NAA25: variants seen among roughly 807,000 people sequenced by gnomAD.
The protein encoded by NAA25 is N-alpha-acetyltransferase 25, NatB auxiliary subunit.
A neutral mutation model predicts 132.5 loss-of-function variants in NAA25; 30 were observed. The observed-to-expected ratio is 0.23, with a 90% CI of 0.17 to 0.31. NAA25 has a LOEUF of 0.31. Ranked by LOEUF, NAA25 falls within the 10% of genes least tolerant of loss-of-function variation. NAA25 has a pLI of 1.00. For synonymous variants in NAA25, 359 were observed against 401.9 expected, an observed-to-expected ratio of 0.89 and a Z score of 1.28; for missense variants, 771 against 1,150.4, an observed-to-expected ratio of 0.67 and a Z score of 4.77.
At position 112,047,887 on chromosome 12, in the gene NAA25, G is replaced by A; in HGVS notation, c.1881-97C>T. On this transcript the variant is annotated intron_variant, in intron 16 of 23. Coordinates refer to ENST00000261745, the MANE Select transcript of NAA25 (RefSeq NM_024953.4). ...CTGTTTTACTAGACAGGAAGGGAAA[G>A]AGGAAGGAAGGGCTCATAATAAGGT... The A allele has an allele frequency of 6.5e-6, 8 of 1,232,536 alleles. No homozygotes were observed. In the South Asian group the frequency reaches 1.1e-4, roughly 17 times the overall value. The allele number at this position is 1,232,536 out of a possible 1,614,324, so 76.3% of individuals were successfully genotyped here. A position where few individuals can be genotyped will look rare whatever the true frequency, so the allele number is the denominator to read the frequency against.
chr12:112,094,157 C>T (rs946072397), intron 1 of NAA25, among the ~76,000 whole-genome samples: 10 of 146,214 alleles, frequency 6.8e-5, no homozygotes, highest in Admixed American at 5.0e-4. Context: ...AGGAGAATGG[C>T]GTGAACCCAG....
At chr12:112,041,701 A>G (rs2078303137) in intron 20 of NAA25, among the ~76,000 whole-genome samples, 1 of 152,190 alleles carries the variant, frequency 6.6e-6, no homozygotes, top group African/African-American at 2.4e-5. Context: ...ACCAATTGCG[A>G]TAACATAAAA....
intron 11 of NAA25, among the ~76,000 whole-genome samples, chr12:112,067,674 G>T (rs542769089): frequency 6.6e-6 from 1 of 152,204 alleles, no homozygotes; most frequent in African/African-American, 2.4e-5. Flanking sequence ...CACAGAGCGA[G>T]ACCCTGTCTC....
chr12:112,037,275 CATATAT>C (rs57810657), intron 22 of NAA25, among the ~76,000 whole-genome samples: 5,517 of 64,602 alleles, frequency 0.085, 267 homozygotes, highest in East Asian at 0.23. Flanking sequence ...TTAAAAAATA[CATATAT>C]ATATATATAT....
chr12:112,059,069 A>C (rs1030864384), intron 13 of NAA25, among the ~76,000 whole-genome samples: 1 of 114,886 alleles, frequency 8.7e-6, no homozygotes. Context: ...GCGAGACTCC[A>C]TCTCACAAAA....
In NAA25 at chr12:112,040,577, A is replaced by G; in HGVS notation, c.2442T>C (p.Asp814=). ...SFKSLLDQLK[D]VFSKCKGDLL... ...GGTCACCTTTACATTTACTGAAGACATCTGAAAACAAAAAACATTTTAGTT... is the reference window on the plus strand; with the variant it reads ...GGTCACCTTTACATTTACTGAAGACGTCTGAAAACAAAAAACATTTTAGTT... The change falls in exon 21 of 24, where the codon GAT becomes GAC. Residue 814 remains aspartate, a splice_region_variant and synonymous_variant. Transcript: ENST00000261745. 1 of 1,551,444 alleles carries G rather than the reference A, an allele frequency of 6.4e-7. No individual in the cohort carries two copies. Among genetic ancestry groups the G allele is most frequent in the East Asian group, 2.3e-5 (1 of 44,094 alleles).
At chr12:112,070,631 G>A (rs1156636136) in intron 10 of NAA25, among the ~76,000 whole-genome samples, 9 of 152,114 alleles carry the variant, frequency 5.9e-5, no homozygotes, top group African/African-American at 2.2e-4. Flanking sequence ...AAGCTGGAGT[G>A]CGGTGGCGCG....
chr12:112,098,636 C>A (rs1354989267), intron 1 of NAA25, among the ~76,000 whole-genome samples: 1 of 152,136 alleles, frequency 6.6e-6, no homozygotes, highest in Non-Finnish European at 1.5e-5. Context: ...ACAGATCAGG[C>A]AATGGAAACA....
At chr12:112,088,563 T>TG (rs1204920575) in intron 3 of NAA25, among the ~76,000 whole-genome samples, 3 of 151,896 alleles carry the variant, frequency 2.0e-5, no homozygotes. Flanking sequence ...CATAATGTAG[T>TG]ATACTGTCTA....
At chr12:112,041,248 C>T (rs1319644009) in intron 20 of NAA25, among the ~76,000 whole-genome samples, 3 of 150,706 alleles carry the variant, frequency 2.0e-5, no homozygotes, top group Non-Finnish European at 2.9e-5. Flanking sequence ...AGTGTAGTGG[C>T]GCTATCTCAG....
chr12:112,062,437 G>C (rs1391547163), intron 11 of NAA25, among the ~76,000 whole-genome samples: 1 of 150,514 alleles, frequency 6.6e-6, no homozygotes, highest in Non-Finnish European at 1.5e-5. Context: ...GAAAAAATAG[G>C]CCGGGTGTGG....
intron 11 of NAA25, chr12:112,064,067 A>G (rs1232885966): frequency 1.3e-5 from 2 of 152,160 alleles, no homozygotes; most frequent in African/African-American, 4.8e-5. Flanking sequence ...TTTTGATACA[A>G]ATAAAAAAAA....
At chr12:112,089,565 A>G (rs918095867) in intron 3 of NAA25, among the ~76,000 whole-genome samples, 8 of 152,228 alleles carry the variant, frequency 5.3e-5, no homozygotes, top group Non-Finnish European at 1.0e-4. Context: ...ATGCACTAAC[A>G]AAAGTTTAAA....
chr12:112,029,269 G>C lies in NAA25; in HGVS notation c.*262C>G, dbSNP rs940419503. The stretch of plus-strand genomic sequence containing the variant: ...TCTGGTGATGGGAAGAAGAAAAGTA[G>C]GGTTCTCTTGTTGCTGCCATATGCA... On this transcript the variant is annotated 3_prime_UTR_variant, in exon 24 of 24. Transcript: ENST00000261745. 1.5e-5 allele frequency: 6 copies of C among 399,606 alleles called. No individual in the cohort carries two copies. In the Admixed American group the frequency reaches 1.9e-4, roughly 13 times the overall value. The allele number at this position is 399,606 out of a possible 1,614,324, so 24.8% of individuals were successfully genotyped here.
intron 1 of NAA25, 35 bp downstream of exon 1, chr12:112,108,681 T>TCGGGCTGGCGAG: frequency 7.0e-7 from 1 of 1,438,346 alleles, no homozygotes; most frequent in Admixed American, 2.5e-5. Context: ...CCTCGGCGCG[T>TCGGGCTGGCGAG]CGGGCTGGCG....
At chr12:112,070,264 G>C (rs962197024) in intron 10 of NAA25, among the ~76,000 whole-genome samples, 3 of 152,128 alleles carry the variant, frequency 2.0e-5, no homozygotes, top group African/African-American at 7.2e-5. Flanking sequence ...TTTACTTATT[G>C]AGCAATAAGA....
intron 12 of NAA25, among the ~76,000 whole-genome samples, chr12:112,060,568 G>T (rs2078613097): frequency 6.6e-6 from 1 of 152,214 alleles, no homozygotes; most frequent in South Asian, 2.1e-4. Flanking sequence ...ACAGAAGGTA[G>T]GGTTCCAGAG....
intron 20 of NAA25, 73 bp downstream of exon 20, chr12:112,041,966 T>C (rs910547196): frequency 2.3e-6 from 2 of 875,966 alleles, no homozygotes; most frequent in Non-Finnish European, 3.4e-6. Context: ...GGCTTGGGAA[T>C]AGGGGAAAGA....
At chr12:112,065,824 T>C (rs1417908241) in intron 11 of NAA25, 3 of 152,176 alleles carry the variant, frequency 2.0e-5, no homozygotes, top group Admixed American at 2.0e-4. Flanking sequence ...TTTAGAAAGA[T>C]TTGGTTCATA....
Sources: gnomAD v4.1 joint callset for allele counts (sites outside exome capture counted in the v4.1 genomes callset) on GRCh38, gnomAD v4.1.1 for gene constraint, MANE v1.5 for transcripts, NCBI Gene and HGNC (gene_info 2026-07-23, HGNC 2026-07-21) for gene names.